Variants in MRPS6 observed in about 807,000 individuals in gnomAD.
The protein encoded by MRPS6 is mitochondrial ribosomal protein S6.
A neutral mutation model predicts 13.1 loss-of-function variants in MRPS6; 6 were observed. The ratio of observed to expected loss-of-function variants is 0.46; its 90% CI spans 0.25 to 0.91. The LOEUF (loss-of-function observed/expected upper bound fraction) is 0.91, where lower values mean the gene tolerates loss of function less well. Among genes scored for constraint, MRPS6 ranks in the 40% least tolerant of loss-of-function variants. The probability of loss-of-function intolerance (pLI) is 0.18; values close to 1 mark genes in which losing one functional copy is unlikely to be tolerated. For synonymous variants in MRPS6, 61 were observed against 56.5 expected (o/e 1.08, Z -0.36); for missense variants, 164 against 155.6 (o/e 1.05, Z -0.29).
At chr21:34,111,771 C>T (rs940810075) in intron 1 of MRPS6, among the ~76,000 whole-genome samples, 12 of 152,156 alleles carry the variant, frequency 7.9e-5, no homozygotes, top group African/African-American at 2.9e-4. Context: ...GGTAGGCCCC[C>T]TGTAAAGTCC....
At chr21:34,102,162 T>C (rs1222439765) in intron 1 of MRPS6, 20 of 1,000,000 alleles carry the variant, frequency 2.0e-5, no homozygotes, top group Middle Eastern at 5.2e-4. Flanking sequence ...TTTGTTGGAA[T>C]ACTTTAGCTG....
chr21:34,088,058 C>T (rs1020797680), intron 1 of MRPS6, among the ~76,000 whole-genome samples: 17 of 152,192 alleles, frequency 1.1e-4, no homozygotes, highest in Admixed American at 9.2e-4. Context: ...CCCGGAACAA[C>T]AGGCAACTAC....
intron 2 of MRPS6, among the ~76,000 whole-genome samples, chr21:34,138,439 C>T (rs1482981314): frequency 6.6e-6 from 1 of 151,988 alleles, no homozygotes; most frequent in East Asian, 1.9e-4. Context: ...TTGAACTACT[C>T]ATCTAACAAA....
At chr21:34,081,832 A>G (rs1007572562) in intron 1 of MRPS6, among the ~76,000 whole-genome samples, 2 of 152,184 alleles carry the variant, frequency 1.3e-5, no homozygotes, top group East Asian at 3.8e-4. Flanking sequence ...AAGAAACTCT[A>G]AAAGATAAAA....
intron 1 of MRPS6, among the ~76,000 whole-genome samples, chr21:34,075,567 G>C (rs1341453873): frequency 6.6e-6 from 1 of 152,166 alleles, no homozygotes; most frequent in Non-Finnish European, 1.5e-5. Flanking sequence ...AAAAGCCCTA[G>C]AAAGTAGATA....
intron 1 of MRPS6, among the ~76,000 whole-genome samples, chr21:34,110,484 T>C (rs925177720): frequency 1.3e-5 from 2 of 151,598 alleles, no homozygotes; most frequent in African/African-American, 4.8e-5. Context: ...TCCTGTCTCA[T>C]TAAAAAGAAA....
chr21:34,124,222 C>A lies in MRPS6; in HGVS notation c.46-1119C>A, dbSNP rs183339598. 2.0e-5 allele frequency: 3 copies of A among 152,370 alleles called. No individual in the cohort carries two copies. In the East Asian group the frequency reaches 5.8e-4, roughly 29 times the overall value. The allele number at this position is 152,370 out of a possible 1,614,324, so 9.4% of individuals were successfully genotyped here. A position where few individuals can be genotyped will look rare whatever the true frequency, so the allele number is the denominator to read the frequency against. On this transcript the variant is annotated intron_variant, in intron 1 of 2. Coordinates refer to ENST00000399312, the MANE Select transcript of MRPS6 (RefSeq NM_032476.4). The stretch of plus-strand genomic sequence containing the variant: ...TGTCTTAAACCAGATTCATCTCTTA[C>A]TGTCCTCACCAGCTTCTCCAGCTCT...
At chr21:34,105,812 A>G in intron 1 of MRPS6, 2 of 996,616 alleles carry the variant, frequency 2.0e-6, no homozygotes, top group Non-Finnish European at 2.4e-6. Flanking sequence ...GCAAGCAGAA[A>G]GTAGAATTTG....
intron 1 of MRPS6, among the ~76,000 whole-genome samples, chr21:34,074,235 C>A (rs1460708353): frequency 6.6e-6 from 1 of 151,466 alleles, no homozygotes. Flanking sequence ...TAGCGCCCGC[C>A]GGCCGCCCGG....
chr21:34,132,184 G>A (rs1980526802), intron 2 of MRPS6, among the ~76,000 whole-genome samples: 1 of 152,170 alleles, frequency 6.6e-6, no homozygotes, highest in Non-Finnish European at 1.5e-5. Flanking sequence ...TGGGAGAAGA[G>A]GTCGGGAGGG....
intron 1 of MRPS6, among the ~76,000 whole-genome samples, chr21:34,082,916 G>A (rs1989491827): frequency 6.6e-6 from 1 of 151,976 alleles, no homozygotes; most frequent in Non-Finnish European, 1.5e-5. Flanking sequence ...GTCCACTTTG[G>A]GCATACCTCA....
Position 34,142,434 on chromosome 21 carries a change from C to T in MRPS6, c.212C>T (p.Pro71Leu). The change falls in exon 3 of 3, where the codon CCC (proline) becomes CTC (leucine). Residue 71 changes from proline (P) to leucine (L), a missense_variant. Transcript: ENST00000399312. Reference protein sequence around the residue: ...GGYFLVDFYAPTAAVESMVEH... With the variant: ...GGYFLVDFYALTAAVESMVEH... ...TATTTCTTGGTGGATTTTTATGCAC[C>T]CACCGCAGCTGTTGAAAGCATGGTG... The T allele has an allele frequency of 1.9e-6, 3 of 1,577,268 alleles. No individual in the cohort carries two copies. The highest frequency in any genetic ancestry group is 2.6e-6 in the Non-Finnish European group (3 of 1,164,798).
At chr21:34,119,771 A>G (rs2148667389) in intron 1 of MRPS6, among the ~76,000 whole-genome samples, 1 of 152,300 alleles carries the variant, frequency 6.6e-6, no homozygotes, top group East Asian at 1.9e-4. Flanking sequence ...CTGGGATGAA[A>G]ATATGTTTAA....
intron 2 of MRPS6, among the ~76,000 whole-genome samples, chr21:34,125,977 A>T (rs980195367): frequency 1.2e-4 from 18 of 152,240 alleles, no homozygotes; most frequent in African/African-American, 3.6e-4. Flanking sequence ...TGTGTACAGC[A>T]GCTTCCTCAA....
intron 1 of MRPS6, among the ~76,000 whole-genome samples, chr21:34,108,738 A>T (rs1281335188): frequency 6.6e-6 from 1 of 152,220 alleles, no homozygotes; most frequent in East Asian, 1.9e-4. Flanking sequence ...GGCTGAATGT[A>T]GAATTCTGGG....
At chr21:34,105,178 T>G in intron 1 of MRPS6, 2 of 1,000,292 alleles carry the variant, frequency 2.0e-6, no homozygotes, top group Non-Finnish European at 2.4e-6. Flanking sequence ...TGCTTCAGTT[T>G]ATAGATTGCC....
rs552109193 is a variant in MRPS6 at position 34,110,920 on chromosome 21, G to A, written c.46-14421G>A. ...TTCCTAAGGCACATCACATCCTTAC[G>A]CTTAGGAACACTAGACAGCCCTTCA... On this transcript the variant is annotated intron_variant, in intron 1 of 2. Coordinates refer to ENST00000399312, the MANE Select transcript of MRPS6 (RefSeq NM_032476.4). Among the ~76,000 whole-genome samples, 7 of 152,262 alleles carry A rather than the reference G, an allele frequency of 4.6e-5. No homozygotes were observed. The East Asian group carries it at 5.8e-4, about 13-fold the overall frequency.
At chr21:34,097,913 C>CA in intron 1 of MRPS6, 1 of 997,146 alleles carries the variant, frequency 1.0e-6, no homozygotes. Context: ...TTCTGATTTC[C>CA]CAAAGAAAGA....
intron 2 of MRPS6, among the ~76,000 whole-genome samples, chr21:34,127,811 A>G (rs2834383): frequency 0.055 from 8,435 of 152,312 alleles, 317 homozygotes; most frequent in Middle Eastern, 0.12. Context: ...AGAAACATGT[A>G]ATAAGTGGAT....
Sources: allele counts gnomAD v4.1 joint callset (sites outside exome capture counted in the v4.1 genomes callset), GRCh38; gene constraint gnomAD v4.1.1; transcripts MANE v1.5; gene names NCBI Gene and HGNC (gene_info 2026-07-23, HGNC 2026-07-21).